Variants in COL25A1 observed in about 807,000 individuals in gnomAD.
COL25A1 encodes the protein collagen type XXV alpha 1 chain.
In COL25A1, 103 loss-of-function variants were observed where a neutral mutation model predicts 128.4. The ratio of observed to expected loss-of-function variants is 0.80; its 90% confidence interval spans 0.68 to 0.94. The LOEUF (loss-of-function observed/expected upper bound fraction) is 0.94. COL25A1 is among the 40% of genes least tolerant of loss of function. COL25A1 has a pLI of 0.00. For synonymous variants in COL25A1, 279 were observed against 277.2 expected, an observed-to-expected ratio of 1.01 and a Z score of -0.06; for missense variants, 745 against 840.0, an observed-to-expected ratio of 0.89 and a Z score of 1.40.
chr4:108,864,071 C>A (rs1737589832), intron 20 of COL25A1, among the ~76,000 whole-genome samples: 4 of 152,096 alleles, frequency 2.6e-5, no homozygotes, highest in Non-Finnish European at 5.9e-5. Context: ...ATCTATCTCC[C>A]TATATATATC....
intron 8 of COL25A1, among the ~76,000 whole-genome samples, chr4:108,956,732 C>T (rs7680935): frequency 0.044 from 6,635 of 152,144 alleles, 370 homozygotes; most frequent in African/African-American, 0.13. Context: ...TGAAACAGTC[C>T]TCTCAAACTT....
chr4:108,834,356 C>T (rs985815451), intron 31 of COL25A1: 100 of 1,550,412 alleles, frequency 6.4e-5, no homozygotes, highest in South Asian at 8.3e-5. Flanking sequence ...CTGACTCACC[C>T]GGGATCCTGG....
chr4:109,264,491 A>G (rs78520263), intron 3 of COL25A1, among the ~76,000 whole-genome samples: 5,793 of 152,342 alleles, frequency 0.038, 370 homozygotes, highest in African/African-American at 0.13. Flanking sequence ...GGAACAGAGC[A>G]AAATGGACAA....
chr4:109,169,032 C>A (rs564714378), intron 3 of COL25A1, among the ~76,000 whole-genome samples: 3 of 152,164 alleles, frequency 2.0e-5, no homozygotes, highest in Admixed American at 2.0e-4. Flanking sequence ...TGATAATGTC[C>A]TCTTGTCTAA....
chr4:109,076,373 T>TA (rs1763374311), intron 3 of COL25A1, among the ~76,000 whole-genome samples: 1 of 152,220 alleles, frequency 6.6e-6, no homozygotes, highest in African/African-American at 2.4e-5. Context: ...CAACTTTTAT[T>TA]AACCCTAGTA....
intron 5 of COL25A1, among the ~76,000 whole-genome samples, chr4:109,015,156 G>T (rs1757103869): frequency 6.6e-6 from 1 of 152,216 alleles, no homozygotes; most frequent in Non-Finnish European, 1.5e-5. Context: ...CTGAGAGCGT[G>T]TGGTGATAGA....
chr4:108,886,941 A>T (rs1383414605), intron 18 of COL25A1, among the ~76,000 whole-genome samples: 10 of 152,050 alleles, frequency 6.6e-5, no homozygotes. Flanking sequence ...CTGATAGGAG[A>T]TCAATTTTAC....
At chr4:109,194,496 C>T (rs148858518) in intron 3 of COL25A1, among the ~76,000 whole-genome samples, 3 of 152,216 alleles carry the variant, frequency 2.0e-5, no homozygotes, top group African/African-American at 7.2e-5. Flanking sequence ...GATCTTGGTA[C>T]ACCCTGATGA....
At chr4:108,997,961 A>G (rs62313689) in intron 6 of COL25A1, among the ~76,000 whole-genome samples, 121,061 of 152,118 alleles carry the variant, frequency 0.8, 49,338 homozygotes, top group East Asian at 1. Context: ...ACTAGGTATT[A>G]ATGGAATGTA....
intron 6 of COL25A1, among the ~76,000 whole-genome samples, chr4:108,991,784 A>G (rs940678249): frequency 2.0e-5 from 3 of 152,176 alleles, no homozygotes; most frequent in Admixed American, 6.5e-5. Flanking sequence ...ATTGGAACAC[A>G]CACATGAAAT....
At chr4:108,981,086 T>A (rs1299447604) in intron 6 of COL25A1, among the ~76,000 whole-genome samples, 1 of 152,236 alleles carries the variant, frequency 6.6e-6, no homozygotes, top group Non-Finnish European at 1.5e-5. Context: ...TACCACAGTT[T>A]CTTAACAGGT....
At chr4:108,862,161 A>G (rs1737306492) in intron 22 of COL25A1, among the ~76,000 whole-genome samples, 1 of 152,222 alleles carries the variant, frequency 6.6e-6, no homozygotes, top group Admixed American at 6.5e-5. Flanking sequence ...CATTTATCAC[A>G]AAGACAGCGA....
intron 3 of COL25A1, among the ~76,000 whole-genome samples, chr4:109,269,134 T>C (rs1210316856): frequency 2.1e-5 from 3 of 139,826 alleles, no homozygotes; most frequent in Admixed American, 7.8e-5. Flanking sequence ...TTCCTGTGTC[T>C]ATGTGATCTC....
intron 23 of COL25A1, 118 bp from the exon 24 acceptor site, chr4:108,859,851 C>T (rs1327381807): frequency 3.1e-6 from 2 of 652,528 alleles, no homozygotes; most frequent in Non-Finnish European, 5.4e-6. Context: ...CCTACTAAGG[C>T]CCAACTGTAC....
chr4:109,148,841 C>A (rs140544449), intron 3 of COL25A1, among the ~76,000 whole-genome samples: 27 of 152,306 alleles, frequency 1.8e-4, no homozygotes, highest in Non-Finnish European at 3.1e-4. Context: ...TCTCACCTTT[C>A]TCCAAATGTT....
chr4:109,091,331 C>A (rs1560674823), intron 3 of COL25A1, among the ~76,000 whole-genome samples: 1 of 152,126 alleles, frequency 6.6e-6, no homozygotes, highest in Non-Finnish European at 1.5e-5. Flanking sequence ...TCTCTAAGTC[C>A]CATTACTATT....
intron 3 of COL25A1, among the ~76,000 whole-genome samples, chr4:109,263,952 A>G (rs1781615620): frequency 6.6e-6 from 1 of 152,254 alleles, no homozygotes; most frequent in Admixed American, 6.5e-5. Flanking sequence ...TACGATGGTG[A>G]GCAAGACAGT....
chr4:109,094,770 A>C (rs1374141796), intron 3 of COL25A1, among the ~76,000 whole-genome samples: 2 of 152,210 alleles, frequency 1.3e-5, no homozygotes, highest in African/African-American at 4.8e-5. Flanking sequence ...GTTGATGATT[A>C]GTTTGCAAAT....
At chr4:108,940,971 C>T (rs1748016297) in intron 9 of COL25A1, among the ~76,000 whole-genome samples, 1 of 152,156 alleles carries the variant, frequency 6.6e-6, no homozygotes. Flanking sequence ...AACACTGCAT[C>T]AGTTACATTC....
Sources: allele counts gnomAD v4.1 joint callset (sites outside exome capture counted in the v4.1 genomes callset), GRCh38; gene constraint gnomAD v4.1.1; transcripts MANE v1.5; gene names NCBI Gene and HGNC (gene_info 2026-07-23, HGNC 2026-07-21).